Variants in CCR5AS observed in about 807,000 individuals in gnomAD.
CCR5AS encodes CCR5 antisense RNA.
At chr3:46,368,192 A>C (rs543579626) in intron 3 of CCR5AS, among the ~76,000 whole-genome samples, 5 of 152,314 alleles carry the variant, frequency 3.3e-5, no homozygotes, top group Non-Finnish European at 5.9e-5. Context: ...AGGCCCCAAA[A>C]AGGAGGGATG....
chr3:46,393,460 C>CAAAAAAAAAAAAAAAAAAAAAAAA (rs35762544), intron 1 of CCR5AS, among the ~76,000 whole-genome samples: 1 of 103,960 alleles, frequency 9.6e-6, no homozygotes, highest in Non-Finnish European at 1.9e-5. Flanking sequence ...AACAGAGCCA[C>CAAAAAAAAAAAAAAAAAAAAAAAA]AAAAAAAAAA....
intron 2 of CCR5AS, among the ~76,000 whole-genome samples, chr3:46,377,180 T>G (rs377139461): frequency 6.6e-6 from 1 of 152,334 alleles, no homozygotes; most frequent in South Asian, 2.1e-4. Flanking sequence ...CTTTTCCATC[T>G]TATTAAATGT....
chr3:46,404,604 C>A (rs149979493), intron 1 of CCR5AS, among the ~76,000 whole-genome samples: 1 of 152,080 alleles, frequency 6.6e-6, no homozygotes, highest in Admixed American at 6.5e-5. Flanking sequence ...TCCCAAAGTG[C>A]TGGGATTACA....
chr3:46,365,659 G>A (rs555243586), intron 3 of CCR5AS, among the ~76,000 whole-genome samples: 3 of 152,286 alleles, frequency 2.0e-5, no homozygotes, highest in East Asian at 3.9e-4. Context: ...CAGGCACACT[G>A]TGTGGTCACA....
At chr3:46,384,391 C>A (rs1386695492) in intron 2 of CCR5AS, among the ~76,000 whole-genome samples, 1 of 152,176 alleles carries the variant, frequency 6.6e-6, no homozygotes, top group African/African-American at 2.4e-5. Context: ...TGCCTGGCCC[C>A]CAGATAGTCT....
chr3:46,381,802 GGC>G (rs1701819015), intron 2 of CCR5AS, among the ~76,000 whole-genome samples: 1 of 152,182 alleles, frequency 6.6e-6, no homozygotes, highest in Non-Finnish European at 1.5e-5. Flanking sequence ...CAGAGAAGAG[GGC>G]AGGGACTTGA....
At chr3:46,376,744 C>A (rs556863209) in intron 2 of CCR5AS, among the ~76,000 whole-genome samples, 1 of 152,176 alleles carries the variant, frequency 6.6e-6, no homozygotes, top group African/African-American at 2.4e-5. Flanking sequence ...GTGCACGAGT[C>A]TCTTACCCTG....
intron 1 of CCR5AS, among the ~76,000 whole-genome samples, chr3:46,395,654 G>C (rs964222229): frequency 2.0e-5 from 3 of 152,328 alleles, no homozygotes; most frequent in African/African-American, 7.2e-5. Flanking sequence ...TCATGGCAAA[G>C]GAATACAAAG....
intron 2 of CCR5AS, among the ~76,000 whole-genome samples, chr3:46,372,446 T>C (rs1701675916): frequency 6.6e-6 from 1 of 152,044 alleles, no homozygotes; most frequent in South Asian, 2.1e-4. Flanking sequence ...GAGGATTGCT[T>C]GAGCCCGGGA....
intron 1 of CCR5AS, among the ~76,000 whole-genome samples, chr3:46,398,517 TC>T (rs1267084471): frequency 6.6e-6 from 1 of 152,092 alleles, no homozygotes; most frequent in Non-Finnish European, 1.5e-5. Context: ...AAAATCAAAA[TC>T]CAAAAAAAGC....
chr3:46,389,672 G>A (rs1173283022), intron 2 of CCR5AS, among the ~76,000 whole-genome samples: 3 of 152,164 alleles, frequency 2.0e-5, no homozygotes, highest in Admixed American at 2.0e-4. Flanking sequence ...CTTTTTGAGA[G>A]AGTGAAAGGA....
At chr3:46,395,445 G>A (rs1701951358) in intron 1 of CCR5AS, among the ~76,000 whole-genome samples, 1 of 152,162 alleles carries the variant, frequency 6.6e-6, no homozygotes, top group Non-Finnish European at 1.5e-5. Flanking sequence ...ACAGTGAGGA[G>A]ATGTGCCAAG....
intron 2 of CCR5AS, among the ~76,000 whole-genome samples, chr3:46,387,735 A>G (rs1023232677): frequency 1.3e-5 from 2 of 152,220 alleles, no homozygotes; most frequent in African/African-American, 4.8e-5. Context: ...TGTGTGAGCA[A>G]TTAAGCTTTT....
intron 2 of CCR5AS, among the ~76,000 whole-genome samples, chr3:46,372,104 A>T (rs1269725239): frequency 1.3e-5 from 2 of 152,208 alleles, no homozygotes; most frequent in African/African-American, 4.8e-5. Flanking sequence ...CTAAGGATTA[A>T]ATGAATGAAT....
At chr3:46,369,630 C>G (rs1414532282) in intron 3 of CCR5AS, among the ~76,000 whole-genome samples, 6 of 152,174 alleles carry the variant, frequency 3.9e-5, no homozygotes, top group African/African-American at 1.4e-4. Context: ...CAAATAAACT[C>G]TCTCTGACAA....
chr3:46,388,737 C>T (rs1462126050), intron 2 of CCR5AS, among the ~76,000 whole-genome samples: 4 of 152,074 alleles, frequency 2.6e-5, no homozygotes, highest in Admixed American at 6.5e-5. Flanking sequence ...TTAGAAATGG[C>T]TAGGAGAGAG....
At chr3:46,378,543 T>A (rs1263794348) in intron 2 of CCR5AS, among the ~76,000 whole-genome samples, 2 of 152,226 alleles carry the variant, frequency 1.3e-5, no homozygotes, top group Non-Finnish European at 2.9e-5. Flanking sequence ...TGGGTCATAC[T>A]GCCCCCGCGA....
rs541578395 is a variant in CCR5AS at position 46,400,332 on chromosome 3, A to C, written n.163+6565T>G. Among the ~76,000 whole-genome samples the C allele has an allele frequency of 5.9e-5, 9 of 152,298 alleles. No homozygotes were observed. The South Asian group carries it at 1.9e-3, about 32-fold the overall frequency. ...CTCGGAAACACACACTCAAAGAAAA[A>C]ATGTAGAGGATAATTTATCTAAGGC... is the stretch of plus-strand genomic sequence containing the variant. On this transcript the variant is annotated intron_variant and non_coding_transcript_variant, in intron 1 of 3. Transcript: ENST00000451485.
At chr3:46,405,366 T>G (rs1453741959) in intron 1 of CCR5AS, among the ~76,000 whole-genome samples, 1 of 152,236 alleles carries the variant, frequency 6.6e-6, no homozygotes, top group Admixed American at 6.5e-5. Context: ...ATGCGGTACA[T>G]GAGGTGCCTG....
Sources: allele counts gnomAD v4.1 joint callset (sites outside exome capture counted in the v4.1 genomes callset), GRCh38; gene constraint gnomAD v4.1.1; transcripts MANE v1.5; gene names NCBI Gene and HGNC (gene_info 2026-07-23, HGNC 2026-07-21).